The following SORCS1 variants were observed in gnomAD, a reference collection of about 807,000 sequenced individuals.
SORCS1 encodes the protein VPS10 domain-containing receptor SorCS1.
Under a neutral mutation model 146.1 loss-of-function variants are expected in SORCS1, and 60 were observed. The observed-to-expected ratio is 0.41, with a 90% CI of 0.33 to 0.51. The LOEUF (loss-of-function observed/expected upper bound fraction) is 0.51, where lower values mean the gene tolerates loss of function less well. Among genes scored for constraint, SORCS1 ranks in the 20% least tolerant of loss-of-function variants. The probability of loss-of-function intolerance (pLI) is 0.21; values close to 1 mark genes in which losing one functional copy is unlikely to be tolerated. For synonymous variants in SORCS1, 637 were observed against 584.0 expected (o/e 1.09, Z -1.31); for missense variants, 1,352 against 1,487.6 (o/e 0.91, Z 1.50).
chr10:106,835,380 C>G (rs1409853498), intron 2 of SORCS1, among the ~76,000 whole-genome samples: 1 of 152,194 alleles, frequency 6.6e-6, no homozygotes, highest in Non-Finnish European at 1.5e-5. Context: ...TACTCATTTT[C>G]TAACATTTTT....
chr10:106,979,951 G>A (rs1956184745), intron 1 of SORCS1, among the ~76,000 whole-genome samples: 1 of 152,178 alleles, frequency 6.6e-6, no homozygotes, highest in East Asian at 1.9e-4. Flanking sequence ...CCAGCCACAT[G>A]GTAGTCCTTC....
chr10:107,107,042 T>C lies in SORCS1; in HGVS notation c.558+56927A>G, dbSNP rs11193200. The stretch of plus-strand genomic sequence containing the variant: ...GCCACCCAGTTATGGCATTCTGTTA[T>C]AGTAGCCCAAACAGACTAAGACAGG... On this transcript the variant is annotated intron_variant, in intron 1 of 25. Coordinates refer to ENST00000263054, the MANE Select transcript of SORCS1 (RefSeq NM_052918.5). 0.029 allele frequency among the ~76,000 whole-genome samples: 4,371 copies of C among 152,252 alleles called. 370 individuals carry two copies. In the East Asian group the frequency reaches 0.35, roughly 12 times the overall value.
intron 1 of SORCS1, among the ~76,000 whole-genome samples, chr10:106,998,726 C>T (rs1006151054): frequency 2.0e-5 from 3 of 152,214 alleles, no homozygotes; most frequent in South Asian, 2.1e-4. Context: ...CCACCCCCTA[C>T]CACATACACA....
At chr10:106,964,652 A>G (rs918016353) in intron 1 of SORCS1, among the ~76,000 whole-genome samples, 4 of 151,826 alleles carry the variant, frequency 2.6e-5, no homozygotes, top group African/African-American at 9.7e-5. Flanking sequence ...ACACCTGGCA[A>G]ATTTTTTATA....
At chr10:107,068,973 G>A (rs773513614) in intron 1 of SORCS1, among the ~76,000 whole-genome samples, 1 of 151,896 alleles carries the variant, frequency 6.6e-6, no homozygotes, top group Non-Finnish European at 1.5e-5. Context: ...AAACCTAACT[G>A]GTGAGAGACA....
At chr10:107,064,438 C>T (rs371492832) in intron 1 of SORCS1, among the ~76,000 whole-genome samples, 190 of 152,284 alleles carry the variant, frequency 1.2e-3, no homozygotes, top group African/African-American at 4.4e-3. Context: ...GCTCACAGTT[C>T]CCGCTATTCC....
chr10:107,166,061 A>G (rs980945979), upstream of SORCS1, among the ~76,000 whole-genome samples: 1 of 152,196 alleles, frequency 6.6e-6, no homozygotes, highest in African/African-American at 2.4e-5. Flanking sequence ...AAATGGTTTC[A>G]GATTTCTTTG....
chr10:107,169,056 A>T (rs1260853119), upstream of SORCS1, among the ~76,000 whole-genome samples: 2 of 151,470 alleles, frequency 1.3e-5, no homozygotes, highest in African/African-American at 4.9e-5. Context: ...TGTTATAACC[A>T]CTCCCCACAT....
rs531655044 is a variant in SORCS1 at position 106,639,464 on chromosome 10, T to C, written c.2476-10076A>G. 5.3e-4 allele frequency among the ~76,000 whole-genome samples: 80 copies of C among 152,266 alleles called. 1 individual carries two copies. Among genetic ancestry groups the C allele is most frequent in the Middle Eastern group, 3.4e-3 (1 of 292 alleles). ...CCTAAAGAACAGCAATATTCCAATA[T>C]ATGTGGATTAGTTTTGAGGGGAGTG... On this transcript the variant is annotated intron_variant, in intron 18 of 25. Coordinates refer to ENST00000263054, the MANE Select transcript of SORCS1 (RefSeq NM_052918.5).
chr10:106,895,834 GCAACAATAGC>G lies in SORCS1; in HGVS notation c.626+60669_626+60678del, dbSNP rs530225187. Among the ~76,000 whole-genome samples, 317 of 152,208 alleles carry G rather than the reference GCAACAATAGC, an allele frequency of 2.1e-3. 2 individuals are homozygous for G. The highest frequency in any genetic ancestry group is 6.8e-3 in the African/African-American group (282 of 41,518). On this transcript the variant is annotated intron_variant, in intron 2 of 25. Coordinates refer to ENST00000263054, the MANE Select transcript of SORCS1 (RefSeq NM_052918.5). ...GGATATTTGCATGCCCACGTTTATAGCAACAATAGCCAACAATAGCCAACAATAGCAACTC... is the reference window on the plus strand; with the variant it reads ...GGATATTTGCATGCCCACGTTTATAGCAACAATAGCCAACAATAGCAACTC...
chr10:106,760,825 G>A (rs886978708), intron 5 of SORCS1, among the ~76,000 whole-genome samples: 10 of 151,978 alleles, frequency 6.6e-5, no homozygotes, highest in Admixed American at 1.3e-4. Context: ...GGGGAAGGCC[G>A]GCCAGGCATG....
At position 106,760,557 on chromosome 10, in the gene SORCS1, G is replaced by C. The variant is rs142844821; in HGVS notation, c.959+1031C>G. 2.6e-3 allele frequency among the ~76,000 whole-genome samples: 393 copies of C among 151,752 alleles called. 1 individual carries two copies. The highest frequency in any genetic ancestry group is 8.9e-3 in the African/African-American group (369 of 41,366). On this transcript the variant is annotated intron_variant, in intron 5 of 25. Coordinates refer to ENST00000263054, the MANE Select transcript of SORCS1 (RefSeq NM_052918.5). ...AAGCCAGAAAGGGAGTCGTTAGCAG[G>C]AACCAAATCTGCCGGCACATTGATC...
intron 1 of SORCS1, among the ~76,000 whole-genome samples, chr10:107,053,159 AC>A (rs1329336030): frequency 1.3e-5 from 2 of 152,114 alleles, no homozygotes; most frequent in Non-Finnish European, 2.9e-5. Flanking sequence ...TGTCTAAGAA[AC>A]CCTGTCCCAA....
chr10:106,943,270 C>T (rs1169914056), intron 2 of SORCS1, among the ~76,000 whole-genome samples: 1 of 152,196 alleles, frequency 6.6e-6, no homozygotes, highest in East Asian at 1.9e-4. Context: ...GCAGCAGCAA[C>T]TCCAACTCCT....
chr10:106,699,976 C>A (rs995303115), intron 8 of SORCS1, among the ~76,000 whole-genome samples: 1 of 152,164 alleles, frequency 6.6e-6, no homozygotes, highest in Non-Finnish European at 1.5e-5. Flanking sequence ...GGTTCAGCAA[C>A]CCCTAGCCAG....
At chr10:106,950,152 C>T (rs778614461) in intron 2 of SORCS1, among the ~76,000 whole-genome samples, 3 of 152,326 alleles carry the variant, frequency 2.0e-5, no homozygotes, top group South Asian at 2.1e-4. Context: ...CCTTTCCTCT[C>T]ATTTTGACTC....
chr10:107,139,378 T>C (rs1364814039), intron 1 of SORCS1, among the ~76,000 whole-genome samples: 4 of 152,318 alleles, frequency 2.6e-5, no homozygotes, highest in Middle Eastern at 6.8e-3. Context: ...CAATTTCTAT[T>C]ACTATTTATC....
intron 3 of SORCS1, 71 bp downstream of exon 3, chr10:106,829,503 C>T: frequency 9.3e-7 from 1 of 1,075,436 alleles, no homozygotes; most frequent in Non-Finnish European, 1.4e-6. Flanking sequence ...TTTTAGGTAG[C>T]TAGAGTGGTT....
Position 106,912,121 on chromosome 10 carries a change from A to AAAC in SORCS1, c.626+44391_626+44392insGTT, listed in dbSNP as rs1564802466. Among the ~76,000 whole-genome samples, 300 of 149,104 alleles carry AAAC rather than the reference A, an allele frequency of 2.0e-3. 7 individuals are homozygous for AAAC. Among genetic ancestry groups the AAAC allele is most frequent in the African/African-American group, 7.2e-3 (290 of 40,388 alleles). ...GATTGAGCCTCCGTCTCAAAAAAAA[A>AAAC]AAACAAACAAACAAACAAACAAAAA... On this transcript the variant is annotated intron_variant, in intron 2 of 25. Coordinates refer to ENST00000263054, the MANE Select transcript of SORCS1 (RefSeq NM_052918.5).
Sources: allele counts gnomAD v4.1 joint callset (sites outside exome capture counted in the v4.1 genomes callset), GRCh38; gene constraint gnomAD v4.1.1; transcripts MANE v1.5; gene names NCBI Gene and HGNC (gene_info 2026-07-23, HGNC 2026-07-21).